Variants in SIPA1L1 observed in about 807,000 individuals in gnomAD.
The protein encoded by SIPA1L1 is signal-induced proliferation-associated 1-like protein 1.
Under a neutral mutation model 162.7 loss-of-function variants are expected in SIPA1L1, and 26 were observed. The observed-to-expected ratio is 0.16, with a 90% CI of 0.12 to 0.22. SIPA1L1 has a LOEUF of 0.22. Ranked by LOEUF, SIPA1L1 falls within the 10% of genes least tolerant of loss-of-function variation. SIPA1L1 has a pLI of 1.00. For synonymous variants in SIPA1L1, 829 were observed against 837.4 expected (o/e 0.99, Z 0.17); for missense variants, 1,874 against 2,241.0 (o/e 0.84, Z 3.31).
At position 71,333,092 on chromosome 14, in the gene SIPA1L1, A is replaced by G. The variant is rs530296539; in HGVS notation, c.-465+11911A>G. 3.8e-4 allele frequency among the ~76,000 whole-genome samples: 58 copies of G among 152,320 alleles called. 1 individual carries two copies. The East Asian group carries it at 0.011, about 28-fold the overall frequency. On this transcript the variant is annotated intron_variant, in intron 2 of 23. Coordinates refer to ENST00000381232, the MANE Select transcript of SIPA1L1 (RefSeq NM_001386936.1). ...CAGAGTTTTTCTTTTTAATTTTGGT[A>G]GTAGACAGTTCTGAATCTAACCTTT... is the stretch of plus-strand genomic sequence containing the variant.
chr14:71,412,072 A>G (rs569264211), intron 2 of SIPA1L1, among the ~76,000 whole-genome samples: 12 of 152,344 alleles, frequency 7.9e-5, no homozygotes, highest in African/African-American at 2.9e-4. Context: ...GATTAACAAA[A>G]CGAAGTACAT....
intron 2 of SIPA1L1, among the ~76,000 whole-genome samples, chr14:71,351,180 T>C (rs1594947408): frequency 1.3e-5 from 2 of 152,180 alleles, no homozygotes; most frequent in East Asian, 3.9e-4. Flanking sequence ...ACAGTATAAT[T>C]ACATAAACAG....
At chr14:71,612,783 A>G (rs909518773) in intron 5 of SIPA1L1, among the ~76,000 whole-genome samples, 4 of 152,176 alleles carry the variant, frequency 2.6e-5, no homozygotes, top group African/African-American at 9.7e-5. Flanking sequence ...ACTGTACCTG[A>G]TCTAATTACT....
At position 71,717,987 on chromosome 14, in the gene SIPA1L1, G is replaced by A. The variant is rs1010531144; in HGVS notation, c.4209-5660G>A. Among the ~76,000 whole-genome samples, 16 of 152,142 alleles carry A rather than the reference G, an allele frequency of 1.1e-4. No individual in the cohort carries two copies. In the South Asian group the frequency reaches 1.4e-3, roughly 14 times the overall value. On this transcript the variant is annotated intron_variant, in intron 17 of 23. Coordinates refer to ENST00000381232, the MANE Select transcript of SIPA1L1 (RefSeq NM_001386936.1). ...CTGTGGCTTGAGAAACACTGCTGCC[G>A]CGACTTCACCTTCTTCACCTAGACA...
intron 5 of SIPA1L1, 107 bp from the exon 6 acceptor site, chr14:71,618,650 T>A: frequency 9.9e-7 from 1 of 1,007,976 alleles, no homozygotes; most frequent in Non-Finnish European, 1.5e-6. Flanking sequence ...ATGTTTACAT[T>A]TTATTGATAA....
At position 71,685,628 on chromosome 14, in the gene SIPA1L1, G is replaced by A. The variant is rs1442180703; in HGVS notation, c.3371G>A (p.Arg1124Lys). Residue 1124 changes from arginine to lysine, a missense_variant, in exon 13 of 24, where the codon AGG (arginine) becomes AAG (lysine). Physicochemically the swap from Arg to Lys is conservative, Grantham distance 26. Around this residue, in one of 5 missense-constraint regions of SIPA1L1, gnomAD observed 936 missense variants for 1,051.9 expected, o/e 0.89. Coordinates refer to ENST00000381232, the MANE Select transcript of SIPA1L1 (RefSeq NM_001386936.1). ...SISSDGRPLE[R>K]RLSPGSDIYV... The stretch of plus-strand genomic sequence containing the variant: ...TCCAGTGACGGGCGCCCACTAGAGA[G>A]GCGGTAAGTGTGCCTTCAAAGGTTT... 6 of 1,613,916 alleles carry A rather than the reference G, an allele frequency of 3.7e-6. No individual in the cohort carries two copies. The highest frequency in any genetic ancestry group is 4.5e-5 in the East Asian group (2 of 44,878).
intron 4 of SIPA1L1, among the ~76,000 whole-genome samples, chr14:71,576,742 G>A (rs1290524956): frequency 6.6e-6 from 1 of 152,154 alleles, no homozygotes; most frequent in Non-Finnish European, 1.5e-5. Context: ...TTGTGGGCAG[G>A]TGCCAGTTAC....
intron 2 of SIPA1L1, among the ~76,000 whole-genome samples, chr14:71,379,334 C>G (rs1052817285): frequency 6.6e-6 from 1 of 150,704 alleles, no homozygotes; most frequent in Non-Finnish European, 1.5e-5. Context: ...GACTGGGTCT[C>G]ACTCTGTTGC....
In SIPA1L1 at chr14:71,543,546, G is replaced by A. The variant is rs905558025; in HGVS notation, c.-303+14176G>A. The stretch of plus-strand genomic sequence containing the variant: ...TCCAGTTGCTCCACATTTCTTACCA[G>A]TATTTGGTATTATCAGTTTTTAAAT... On this transcript the variant is annotated intron_variant, in intron 4 of 23. Transcript: ENST00000381232. Among the ~76,000 whole-genome samples the A allele has an allele frequency of 2.0e-5, 3 of 152,260 alleles. No individual in the cohort carries two copies. The South Asian group carries it at 6.2e-4, about 32-fold the overall frequency.
intron 2 of SIPA1L1, among the ~76,000 whole-genome samples, chr14:71,434,963 T>TA (rs2044265440): frequency 6.6e-6 from 1 of 152,230 alleles, no homozygotes; most frequent in Non-Finnish European, 1.5e-5. Context: ...TTCCAGTTTT[T>TA]ACCTAGTCTC....
Position 71,331,070 on chromosome 14 carries a change from C to T in SIPA1L1, c.-465+9889C>T, listed in dbSNP as rs539280391. 2.0e-5 allele frequency among the ~76,000 whole-genome samples: 3 copies of T among 152,236 alleles called. No individual in the cohort carries two copies. In the South Asian group the frequency reaches 6.2e-4, roughly 32 times the overall value. ...TTAGGTCTTTAGTCCATTTTGGGTTCATTTTTATGTATAGTATAAGGGTCC... is the reference window on the plus strand; with the variant it reads ...TTAGGTCTTTAGTCCATTTTGGGTTTATTTTTATGTATAGTATAAGGGTCC... On this transcript the variant is annotated intron_variant, in intron 2 of 23. Coordinates refer to ENST00000381232, the MANE Select transcript of SIPA1L1 (RefSeq NM_001386936.1).
intron 2 of SIPA1L1, among the ~76,000 whole-genome samples, chr14:71,441,271 C>A (rs2044829915): frequency 6.6e-6 from 1 of 152,140 alleles, no homozygotes; most frequent in Non-Finnish European, 1.5e-5. Context: ...GATCCAAAGT[C>A]TTGCAGAGGG....
In SIPA1L1 at chr14:71,730,095, C is replaced by A. The variant is rs373760249; in HGVS notation, c.4655C>A (p.Thr1552Asn). The change falls in exon 20 of 24, where the codon ACC (threonine) becomes AAC (asparagine). Residue 1552 changes from threonine (T) to asparagine (N), a missense_variant. Around this residue, in one of 5 missense-constraint regions of SIPA1L1, gnomAD observed 936 missense variants for 1,051.9 expected, o/e 0.89. Coordinates refer to ENST00000381232, the MANE Select transcript of SIPA1L1 (RefSeq NM_001386936.1). ...LSSPQSPFPS[T>N]PTSRRALHRT... ...TCTCCTCAGTCTCCTTTCCCCAGCA[C>A]CCCCACCTCACGGCGGGCCTTGCAC... is the stretch of plus-strand genomic sequence containing the variant. 6.8e-6 allele frequency: 11 copies of A among 1,614,018 alleles called. No homozygotes were observed. Among genetic ancestry groups the A allele is most frequent in the Non-Finnish European group, 7.6e-6 (9 of 1,179,998 alleles).
intron 7 of SIPA1L1, among the ~76,000 whole-genome samples, chr14:71,640,959 G>A (rs932801141): frequency 1.3e-5 from 2 of 152,160 alleles, no homozygotes; most frequent in Admixed American, 1.3e-4. Flanking sequence ...AACCCCTAAA[G>A]TTAGACTCAT....
At chr14:71,569,493 A>ACT (rs2031505941) in intron 4 of SIPA1L1, among the ~76,000 whole-genome samples, 1 of 152,264 alleles carries the variant, frequency 6.6e-6, no homozygotes, top group Admixed American at 6.5e-5. Context: ...GCTGGCAGTC[A>ACT]GACGGGAAGT....
Position 71,387,274 on chromosome 14 carries a change from A to AG in SIPA1L1, c.-465+66093_-465+66094insG, listed in dbSNP as rs1229218670. The stretch of plus-strand genomic sequence containing the variant: ...AAAAAAAAAAAAAAAAAAAAAAAAA[A>AG]AAGAAAGACTGAGTAAATATTGTTA... On this transcript the variant is annotated intron_variant, in intron 2 of 23. Coordinates refer to ENST00000381232, the MANE Select transcript of SIPA1L1 (RefSeq NM_001386936.1). 1.4e-4 allele frequency among the ~76,000 whole-genome samples: 21 copies of AG among 147,056 alleles called. No homozygotes were observed. In the East Asian group the frequency reaches 2.6e-3, roughly 18 times the overall value.
At chr14:71,587,116 C>A (rs1295019598) in intron 4 of SIPA1L1, among the ~76,000 whole-genome samples, 2 of 152,154 alleles carry the variant, frequency 1.3e-5, no homozygotes, top group Non-Finnish European at 2.9e-5. Context: ...GCAGCATATT[C>A]AGTAAAGTCA....
chr14:71,399,397 G>A (rs1034323764), intron 2 of SIPA1L1, among the ~76,000 whole-genome samples: 2 of 152,180 alleles, frequency 1.3e-5, no homozygotes, highest in African/African-American at 4.8e-5. Flanking sequence ...AGTTAAGAAT[G>A]CACTTTTGTT....
chr14:71,536,451 G>C (rs561568974), intron 4 of SIPA1L1, among the ~76,000 whole-genome samples: 2 of 152,344 alleles, frequency 1.3e-5, no homozygotes, highest in South Asian at 4.1e-4. Flanking sequence ...AATGATGAGA[G>C]CTTTGTCCTC....
Sources: gnomAD v4.1 joint callset for allele counts (sites outside exome capture counted in the v4.1 genomes callset) on GRCh38, gnomAD v4.1.1 for gene constraint, gnomAD v4.1.1 regional missense constraint, MANE v1.5 for transcripts, NCBI Gene and HGNC (gene_info 2026-07-23, HGNC 2026-07-21) for gene names.